The following RBM47 variants were observed in gnomAD, a reference collection of about 807,000 sequenced individuals.
RBM47 encodes the protein RNA-binding protein 47.
In RBM47, 21 loss-of-function variants were observed where a neutral mutation model predicts 47.1. The ratio of observed to expected loss-of-function variants is 0.45; its 90% CI spans 0.32 to 0.64. The LOEUF (loss-of-function observed/expected upper bound fraction) is 0.64, where lower values mean the gene tolerates loss of function less well. RBM47 is among the 30% of genes least tolerant of loss of function. The pLI is 0.05. For synonymous variants in RBM47, 375 were observed against 361.7 expected, an observed-to-expected ratio of 1.04 and a Z score of -0.42; for missense variants, 708 against 870.9, an observed-to-expected ratio of 0.81 and a Z score of 2.35.
At chr4:40,599,370 A>C (rs1481772731) in intron 1 of RBM47, among the ~76,000 whole-genome samples, 1 of 152,108 alleles carries the variant, frequency 6.6e-6, no homozygotes, top group Non-Finnish European at 1.5e-5. Context: ...ACCACCCCCA[A>C]CCCAGGAAAA....
intron 5 of RBM47, 57 bp downstream of exon 5, chr4:40,436,384 A>T: frequency 6.5e-7 from 1 of 1,533,050 alleles, no homozygotes; most frequent in Non-Finnish European, 8.9e-7. Flanking sequence ...TTCACTTCAA[A>T]CAGAAGGGCT....
chr4:40,458,778 C>G (rs1165508984), intron 3 of RBM47, among the ~76,000 whole-genome samples: 1 of 150,446 alleles, frequency 6.6e-6, no homozygotes, highest in Non-Finnish European at 1.5e-5. Flanking sequence ...CTTTTCTTTT[C>G]TTCCTTTTTT....
intron 2 of RBM47, among the ~76,000 whole-genome samples, chr4:40,539,313 T>C (rs532465401): frequency 9.9e-5 from 15 of 152,284 alleles, no homozygotes; most frequent in African/African-American, 3.1e-4. Context: ...TTTAGCTCAG[T>C]TGTTTGACCT....
At chr4:40,622,223 C>A (rs1737330961) in intron 1 of RBM47, among the ~76,000 whole-genome samples, 3 of 152,166 alleles carry the variant, frequency 2.0e-5, no homozygotes, top group Non-Finnish European at 4.4e-5. Flanking sequence ...GCGATAAATA[C>A]CAGAGAGAAA....
intron 1 of RBM47, among the ~76,000 whole-genome samples, chr4:40,587,419 C>T (rs1410247803): frequency 6.6e-6 from 1 of 152,114 alleles, no homozygotes; most frequent in Non-Finnish European, 1.5e-5. Context: ...AAACATCTAT[C>T]CATTCAATAA....
intron 1 of RBM47, among the ~76,000 whole-genome samples, chr4:40,553,549 G>C (rs1299710204): frequency 2.0e-5 from 3 of 152,062 alleles, no homozygotes; most frequent in Admixed American, 6.6e-5. Context: ...TGCCCACCTT[G>C]GTTTCCCAAA....
At chr4:40,533,690 C>T (rs1297005105) in intron 2 of RBM47, among the ~76,000 whole-genome samples, 6 of 152,104 alleles carry the variant, frequency 3.9e-5, no homozygotes, top group Admixed American at 2.0e-4. Context: ...GGCTAGAGTG[C>T]AGTGGCAAAA....
At chr4:40,565,491 T>C (rs1731011126) in intron 1 of RBM47, among the ~76,000 whole-genome samples, 1 of 152,182 alleles carries the variant, frequency 6.6e-6, no homozygotes, top group Admixed American at 6.5e-5. Context: ...GCAGCAGCTC[T>C]CCACTAAGAG....
chr4:40,589,968 T>C (rs2154274845), intron 1 of RBM47, among the ~76,000 whole-genome samples: 1 of 152,044 alleles, frequency 6.6e-6, no homozygotes, highest in Non-Finnish European at 1.5e-5. Context: ...CACTTTCCCC[T>C]TAACGCCTAT....
intron 1 of RBM47, among the ~76,000 whole-genome samples, chr4:40,578,831 T>C (rs945944614): frequency 3.3e-5 from 5 of 152,208 alleles, no homozygotes; most frequent in African/African-American, 9.6e-5. Flanking sequence ...CAAAATGTGA[T>C]AGCAAGCTGG....
chr4:40,488,031 AG>A (rs2154244792), intron 2 of RBM47, among the ~76,000 whole-genome samples: 2 of 152,144 alleles, frequency 1.3e-5, no homozygotes, highest in African/African-American at 4.8e-5. Flanking sequence ...AGAAAGAAAG[AG>A]AGAGAGAGGC....
intron 1 of RBM47, among the ~76,000 whole-genome samples, chr4:40,589,078 AT>A (rs1423431195): frequency 1.5e-5 from 2 of 130,226 alleles, no homozygotes; most frequent in Non-Finnish European, 1.5e-5. Context: ...GGTTCAAGTG[AT>A]TCTCCCACCT....
chr4:40,524,745 T>G (rs1272003223), intron 2 of RBM47, among the ~76,000 whole-genome samples: 2 of 152,206 alleles, frequency 1.3e-5, no homozygotes, highest in Non-Finnish European at 2.9e-5. Flanking sequence ...TTCAGCCTCC[T>G]GAGTAGCTAG....
chr4:40,423,676 CTTTCTTTCTTTCTT>C lies in RBM47; in HGVS notation c.*2214_*2227del, dbSNP rs1560337034. The C allele has an allele frequency of 9.9e-6, 1 of 100,722 alleles. No individual in the cohort carries two copies. The highest frequency in any genetic ancestry group is 5.4e-5 in the African/African-American group (1 of 18,674). 6.2% of individuals were successfully genotyped at this position (100,722 alleles called of 1,614,324 possible). On this transcript the variant is annotated 3_prime_UTR_variant, in exon 7 of 7. Transcript: ENST00000295971. Reference sequence around the variant, plus strand: ...TTTTTCTTTCTTTCTTTCTTTCTTTCTTTCTTTCTTTCTTTCTTTCTTTCTTTCTTTCTTTCTTT... The same window carrying C: ...TTTTTCTTTCTTTCTTTCTTTCTTTCTCTTTCTTTCTTTCTTTCTTTCTTT...
chr4:40,592,558 A>G (rs1734255987), intron 1 of RBM47, among the ~76,000 whole-genome samples: 1 of 151,150 alleles, frequency 6.6e-6, no homozygotes. Context: ...CCATGTAGCT[A>G]GGATTACAGG....
chr4:40,450,149 T>C (rs1577662374), intron 3 of RBM47, among the ~76,000 whole-genome samples: 1 of 152,124 alleles, frequency 6.6e-6, no homozygotes, highest in East Asian at 1.9e-4. Flanking sequence ...TTTCACTCCT[T>C]ACCTTGGCTC....
At chr4:40,594,544 C>T (rs530429334) in intron 1 of RBM47, among the ~76,000 whole-genome samples, 23 of 152,290 alleles carry the variant, frequency 1.5e-4, no homozygotes, top group African/African-American at 3.9e-4. Context: ...CTCGCCTAAC[C>T]GGACCTCAAC....
intron 3 of RBM47, among the ~76,000 whole-genome samples, chr4:40,444,348 C>A (rs1465434196): frequency 1.3e-5 from 2 of 151,920 alleles, no homozygotes; most frequent in African/African-American, 2.4e-5. Context: ...CATTGGCAAG[C>A]TATGGCTGTG....
At chr4:40,490,620 C>A (rs1560414298) in intron 2 of RBM47, among the ~76,000 whole-genome samples, 1 of 151,704 alleles carries the variant, frequency 6.6e-6, no homozygotes, top group African/African-American at 2.4e-5. Flanking sequence ...ATTAAAAATA[C>A]AAAAATTAGC....
Sources: allele counts gnomAD v4.1 joint callset (sites outside exome capture counted in the v4.1 genomes callset), GRCh38; gene constraint gnomAD v4.1.1; transcripts MANE v1.5; gene names NCBI Gene and HGNC (gene_info 2026-07-23, HGNC 2026-07-21).